The following RALGPS1 variants were observed in gnomAD, a reference collection of about 807,000 sequenced individuals.
RALGPS1 encodes Ral GEF with PH domain and SH3 binding motif 1.
In RALGPS1, 19 loss-of-function variants were observed where a neutral mutation model predicts 78.8. The observed-to-expected ratio is 0.24, with a 90% confidence interval of 0.17 to 0.35. RALGPS1 has a LOEUF of 0.35. Among genes scored for constraint, RALGPS1 ranks in the 10% least tolerant of loss-of-function variants. The pLI, the probability that RALGPS1 is intolerant of heterozygous loss-of-function variation, is 1.00. For synonymous variants in RALGPS1, 228 were observed against 256.3 expected (o/e 0.89, Z 1.06); for missense variants, 454 against 688.3 (o/e 0.66, Z 3.81).
chr9:127,121,748 G>A (rs1003997360), intron 8 of RALGPS1, among the ~76,000 whole-genome samples: 7 of 152,340 alleles, frequency 4.6e-5, no homozygotes, highest in Middle Eastern at 3.4e-3. Context: ...TGATGCGTCC[G>A]TTCCCGTGCT....
intron 1 of RALGPS1, among the ~76,000 whole-genome samples, chr9:126,930,174 G>GTT (rs368081539): frequency 2.1e-5 from 3 of 140,094 alleles, no homozygotes; most frequent in Admixed American, 1.4e-4. Flanking sequence ...TTTTATTTTA[G>GTT]TTTTTTTTTT....
chr9:127,090,082 G>T (rs1278851914), intron 8 of RALGPS1, among the ~76,000 whole-genome samples: 5 of 152,148 alleles, frequency 3.3e-5, no homozygotes, highest in African/African-American at 7.2e-5. Flanking sequence ...GAGTTTTTCT[G>T]GGGGTCCCTC....
chr9:126,994,429 A>G lies in RALGPS1; in HGVS notation c.216+16684A>G, dbSNP rs555310212. The stretch of plus-strand genomic sequence containing the variant: ...GCGATCAACTGGAAGAAAGGGTATC[A>G]GTGATGGAAGATGAAATGAATGAAA... On this transcript the variant is annotated intron_variant, in intron 4 of 18. Coordinates refer to ENST00000259351, the MANE Select transcript of RALGPS1 (RefSeq NM_014636.3). Among the ~76,000 whole-genome samples the G allele has an allele frequency of 4.9e-4, 75 of 152,330 alleles. 1 individual carries two copies. In the East Asian group the frequency reaches 8.5e-3, roughly 17 times the overall value.
intron 5 of RALGPS1, among the ~76,000 whole-genome samples, chr9:127,049,003 G>T (rs1299993686): frequency 2.0e-5 from 3 of 152,186 alleles, no homozygotes; most frequent in African/African-American, 7.2e-5. Context: ...TCAATAACGA[G>T]AATACATTTT....
intron 1 of RALGPS1, among the ~76,000 whole-genome samples, chr9:126,923,635 G>A (rs762260764): frequency 6.6e-6 from 1 of 152,156 alleles, no homozygotes; most frequent in Non-Finnish European, 1.5e-5. Flanking sequence ...TACCTGTGAT[G>A]ATTAGTTTGT....
chr9:127,121,038 G>A (rs2056026631), intron 8 of RALGPS1, among the ~76,000 whole-genome samples: 1 of 152,140 alleles, frequency 6.6e-6, no homozygotes, highest in Non-Finnish European at 1.5e-5. Context: ...ACACCACTGG[G>A]TTCAAGTCCT....
intron 4 of RALGPS1, among the ~76,000 whole-genome samples, chr9:127,007,488 C>T (rs193210328): frequency 1.0e-3 from 154 of 152,206 alleles, no homozygotes; most frequent in Non-Finnish European, 2.9e-4. Flanking sequence ...GGGAATTACA[C>T]GTGCCGTAGA....
chr9:127,041,183 C>T (rs1259331461), intron 5 of RALGPS1, among the ~76,000 whole-genome samples: 2 of 152,044 alleles, frequency 1.3e-5, no homozygotes, highest in African/African-American at 4.8e-5. Context: ...CCTCCGCCTC[C>T]TGGATTTAAG....
intron 1 of RALGPS1, among the ~76,000 whole-genome samples, chr9:126,942,244 TA>T (rs2036861154): frequency 6.6e-6 from 1 of 152,166 alleles, no homozygotes; most frequent in Non-Finnish European, 1.5e-5. Flanking sequence ...TTAATGTAGC[TA>T]AATCTACCAG....
At chr9:127,187,495 T>G (rs919761090) in intron 11 of RALGPS1, among the ~76,000 whole-genome samples, 11 of 152,224 alleles carry the variant, frequency 7.2e-5, no homozygotes, top group African/African-American at 2.4e-5. Context: ...CCACCTCAAG[T>G]CTTGTGGCAC....
chr9:126,993,013 C>T (rs2042412165), intron 4 of RALGPS1, among the ~76,000 whole-genome samples: 1 of 152,168 alleles, frequency 6.6e-6, no homozygotes, highest in African/African-American at 2.4e-5. Context: ...TAGGTTTTTT[C>T]ATAGAGGTCT....
chr9:127,083,826 G>A (rs1020153161), intron 8 of RALGPS1, among the ~76,000 whole-genome samples: 1 of 152,216 alleles, frequency 6.6e-6, no homozygotes. Context: ...AGACAGTCCA[G>A]TGTAGTAATT....
intron 4 of RALGPS1, among the ~76,000 whole-genome samples, chr9:127,001,109 A>G (rs1358138642): frequency 6.6e-6 from 1 of 150,628 alleles, no homozygotes; most frequent in Non-Finnish European, 1.5e-5. Context: ...AAAACAAAAC[A>G]AAACAAAACA....
At chr9:127,001,286 CAA>C (rs58413062) in intron 4 of RALGPS1, among the ~76,000 whole-genome samples, 22 of 97,352 alleles carry the variant, frequency 2.3e-4, no homozygotes, top group Non-Finnish European at 2.9e-4. Flanking sequence ...GACTCTGTCT[CAA>C]AAAAAAAAAA....
chr9:127,052,718 TA>T (rs2048397733), intron 6 of RALGPS1, 128 bp from the exon 7 acceptor site: 1 of 654,442 alleles, frequency 1.5e-6, no homozygotes, highest in South Asian at 1.9e-5. Context: ...TCCTTAGAAC[TA>T]TGTTTTCCAC....
intron 14 of RALGPS1, among the ~76,000 whole-genome samples, chr9:127,202,976 C>T (rs182670500): frequency 6.6e-6 from 1 of 152,324 alleles, no homozygotes; most frequent in Non-Finnish European, 1.5e-5. Flanking sequence ...GATCTCCAAC[C>T]AACCTCGGGC....
intron 8 of RALGPS1, among the ~76,000 whole-genome samples, chr9:127,081,828 A>C (rs1438826627): frequency 6.6e-6 from 1 of 152,224 alleles, no homozygotes; most frequent in African/African-American, 2.4e-5. Flanking sequence ...CAAGCACAGC[A>C]TGGGACAGGC....
intron 1 of RALGPS1, among the ~76,000 whole-genome samples, chr9:126,949,262 G>C (rs545310652): frequency 6.6e-6 from 1 of 152,138 alleles, no homozygotes; most frequent in Non-Finnish European, 1.5e-5. Context: ...GAATAGTGCC[G>C]CAATAAACAT....
chr9:127,214,734 G>A lies in RALGPS1; in HGVS notation c.1553-17G>A, dbSNP rs747765725. The A allele has an allele frequency of 1.7e-5, 27 of 1,600,002 alleles. No homozygotes were observed. The highest frequency in any genetic ancestry group is 2.0e-5 in the Non-Finnish European group (23 of 1,175,062). On this transcript the variant is annotated splice_polypyrimidine_tract_variant and intron_variant, in intron 17 of 18. Coordinates refer to ENST00000259351, the MANE Select transcript of RALGPS1 (RefSeq NM_014636.3). ...TACGTGGCCCTCTTCTTAACTCATG[G>A]TTTCTCTACCCATCAGGCAATGTTT...
Sources: gnomAD v4.1 joint callset for allele counts (sites outside exome capture counted in the v4.1 genomes callset) on GRCh38, gnomAD v4.1.1 for gene constraint, MANE v1.5 for transcripts, NCBI Gene and HGNC (gene_info 2026-07-23, HGNC 2026-07-21) for gene names.